Variants in AKAP8 observed in about 807,000 individuals in gnomAD.
The protein encoded by AKAP8 is A-kinase anchoring protein 8.
A neutral mutation model predicts 67.5 loss-of-function variants in AKAP8; 24 were observed. The ratio of observed to expected loss-of-function variants is 0.36; its 90% CI spans 0.26 to 0.50. The LOEUF (loss-of-function observed/expected upper bound fraction) is 0.50. AKAP8 is among the 20% of genes least tolerant of loss of function. The pLI is 0.97. For missense variants in AKAP8, 971 were observed against 955.9 expected (o/e 1.02, Z -0.21); for synonymous variants, 400 against 371.1 (o/e 1.08, Z -0.90).
chr19:15,363,360 G>GT (rs1037636624), intron 9 of AKAP8, among the ~76,000 whole-genome samples: 1 of 143,456 alleles, frequency 7.0e-6, no homozygotes, highest in Non-Finnish European at 1.5e-5. Flanking sequence ...AGGTGGGGGG[G>GT]GGTCAGCCCC....
At chr19:15,363,500 C>A (rs1187597189) in intron 9 of AKAP8, among the ~76,000 whole-genome samples, 2 of 142,378 alleles carry the variant, frequency 1.4e-5, no homozygotes, top group African/African-American at 5.4e-5. Context: ...GTCAGCCCCC[C>A]GCCCGGCCAG....
intron 9 of AKAP8, 21 bp downstream of exon 9, chr19:15,368,214 G>A: frequency 6.2e-7 from 1 of 1,609,284 alleles, no homozygotes; most frequent in Non-Finnish European, 8.5e-7. Context: ...CCTCCTGTGG[G>A]GTCGTGTGCC....
Position 15,354,222 on chromosome 19 carries a change from T to C in AKAP8, c.*693A>G, listed in dbSNP as rs542936169. 3.3e-5 allele frequency: 5 copies of C among 152,132 alleles called. No individual in the cohort carries two copies. Among genetic ancestry groups the C allele is most frequent in the African/African-American group, 1.2e-4 (5 of 41,508 alleles). The allele number at this position is 152,132 out of a possible 1,614,324, so 9.4% of individuals were successfully genotyped here. A position where few individuals can be genotyped will look rare whatever the true frequency, so the allele number is the denominator to read the frequency against. ...AAAAAAACCTGAAGTAATCTAGAGG[T>C]GGAACACAAATGAGGTAAAATATTA... On this transcript the variant is annotated 3_prime_UTR_variant, in exon 14 of 14. Coordinates refer to ENST00000269701, the MANE Select transcript of AKAP8 (RefSeq NM_005858.4).
At chr19:15,361,045 T>G (rs4809184) in intron 11 of AKAP8, 67 bp from the exon 12 acceptor site, 3 of 1,566,814 alleles carry the variant, frequency 1.9e-6, no homozygotes, top group Non-Finnish European at 2.6e-6. Flanking sequence ...ACTCCCCATC[T>G]GGGCCCACGT....
In AKAP8 at chr19:15,362,224, C is replaced by T. The variant is rs550314517; in HGVS notation, c.1188G>A (p.Lys396=). The T allele has an allele frequency of 8.1e-6, 13 of 1,614,098 alleles. No homozygotes were observed. The Middle Eastern group carries it at 5.0e-4, about 61-fold the overall frequency. The change falls in exon 10 of 14, where the codon AAG becomes AAA. Residue 396 remains lysine, a synonymous_variant. Coordinates refer to ENST00000269701, the MANE Select transcript of AKAP8 (RefSeq NM_005858.4). ...TCTCTTCGTCATCAAAGCTACGGAA[C>T]TTGCATACAGAACAGGCAAACTGAA... ...DRIQFACSVC[K]FRSFDDEEIQ...
chr19:15,361,621 G>A, intron 11 of AKAP8, 108 bp downstream of exon 11: 2 of 920,506 alleles, frequency 2.2e-6, no homozygotes, highest in Admixed American at 2.0e-5. Flanking sequence ...CAAAGTGCTG[G>A]GATTACAGGT....
chr19:15,377,998 A>G (rs1022497796), intron 1 of AKAP8, among the ~76,000 whole-genome samples: 1 of 152,084 alleles, frequency 6.6e-6, no homozygotes, highest in African/African-American at 2.4e-5. Context: ...CTGTTAAATG[A>G]CTTCACTTTG....
chr19:15,378,160 C>T (rs970589165), intron 1 of AKAP8, among the ~76,000 whole-genome samples: 2 of 152,312 alleles, frequency 1.3e-5, no homozygotes, highest in African/African-American at 4.8e-5. Flanking sequence ...TCATGGGTTA[C>T]GAGACTTGAC....
chr19:15,375,566 A>C (rs1444974028), intron 2 of AKAP8, among the ~76,000 whole-genome samples: 1 of 152,234 alleles, frequency 6.6e-6, no homozygotes, highest in African/African-American at 2.4e-5. Context: ...ACTATGAGCT[A>C]TAGTGAATAA....
At chr19:15,363,292 C>T (rs1301972775) in intron 9 of AKAP8, among the ~76,000 whole-genome samples, 5 of 149,060 alleles carry the variant, frequency 3.4e-5, no homozygotes, top group Non-Finnish European at 6.0e-5. Flanking sequence ...TCTGCCCAGC[C>T]GCCCCTACTG....
chr19:15,359,378 T>G (rs895648210), intron 12 of AKAP8, among the ~76,000 whole-genome samples: 1 of 152,214 alleles, frequency 6.6e-6, no homozygotes. Context: ...GGACAAGCTC[T>G]TTCTTTTCAG....
At chr19:15,379,377 G>T (rs952517623) in intron 1 of AKAP8, 2 of 327,076 alleles carry the variant, frequency 6.1e-6, no homozygotes, top group African/African-American at 4.3e-5. Context: ...CAAACCCCGG[G>T]GTCGCTGGGG....
chr19:15,373,046 C>T lies in AKAP8; in HGVS notation c.666G>A (p.Thr222=), dbSNP rs771085712. ...CCACGTAGTTCAGCTCGTTCCAGGG[C>T]GTGGACAGGGGCTCAGAGGACGCAG... ...PPAASSEPLS[T]PWNELNYVGG... Residue 222 remains threonine, a synonymous_variant, in exon 5 of 14, where the codon ACG becomes ACA. Transcript: ENST00000269701. 4.1e-5 allele frequency: 65 copies of T among 1,601,802 alleles called. No individual in the cohort carries two copies. In the Middle Eastern group the frequency reaches 1.3e-3, roughly 33 times the overall value.
rs920699912 is a variant in AKAP8 at position 15,364,584 on chromosome 19, C to T, written c.1161-2333G>A. On this transcript the variant is annotated intron_variant, in intron 9 of 13. Transcript: ENST00000269701. Reference sequence around the variant, plus strand: ...TAGGTTGGTCTCGAACTCCTGACCTCGTGATTGACCCACCTCAGCCTCCCA... The same window carrying T: ...TAGGTTGGTCTCGAACTCCTGACCTTGTGATTGACCCACCTCAGCCTCCCA... Among the ~76,000 whole-genome samples, 5 of 152,032 alleles carry T rather than the reference C, an allele frequency of 3.3e-5. 1 individual carries two copies. Among genetic ancestry groups the T allele is most frequent in the South Asian group, 4.1e-4 (2 of 4,838 alleles).
rs148578730 is a variant in AKAP8, at chr19:15,369,317, G to T, written c.1072+829C>A. The T allele has an allele frequency of 1.4e-4, 132 of 941,838 alleles. No individual in the cohort carries two copies. Among genetic ancestry groups the T allele is most frequent in the Admixed American group, 3.7e-4 (6 of 16,228 alleles). The allele number at this position is 941,838 out of a possible 1,614,324, so 58.3% of individuals were successfully genotyped here. ...TATGGACAGGACTGCTGCGGGTCGC[G>T]GGGGGGAGGACCGCAGAGGGCTGGC... On this transcript the variant is annotated intron_variant, in intron 8 of 13. Transcript: ENST00000269701. The surrounding 1 kb of genome is among the most constrained non-coding windows in gnomAD (Gnocchi z 4.6).
At chr19:15,376,614 G>A (rs914756226) in intron 2 of AKAP8, among the ~76,000 whole-genome samples, 3 of 152,204 alleles carry the variant, frequency 2.0e-5, no homozygotes, top group Admixed American at 6.5e-5. Context: ...GTACTAAAAA[G>A]TCTGGTAATT....
At chr19:15,367,650 G>C (rs1967091143) in intron 9 of AKAP8, among the ~76,000 whole-genome samples, 2 of 152,210 alleles carry the variant, frequency 1.3e-5, no homozygotes, top group South Asian at 4.1e-4. Flanking sequence ...CTCCTGGCAG[G>C]GAGAGGCAGG....
intron 7 of AKAP8, among the ~76,000 whole-genome samples, chr19:15,370,740 C>G (rs1427378425): frequency 7.1e-6 from 1 of 140,532 alleles, no homozygotes; most frequent in Non-Finnish European, 1.5e-5. Flanking sequence ...GAAGCAAATC[C>G]TCTGCCTCAG....
intron 4 of AKAP8, 152 bp from the exon 5 acceptor site, chr19:15,373,492 A>T: frequency 8.3e-7 from 1 of 1,200,012 alleles, no homozygotes. Flanking sequence ...ACTGACCAAC[A>T]CCCTCCCTGG....
Sources: gnomAD v4.1 joint callset for allele counts (sites outside exome capture counted in the v4.1 genomes callset) on GRCh38, gnomAD v4.1.1 for gene constraint, Gnocchi (gnomAD v3.1) non-coding constraint, MANE v1.5 for transcripts, NCBI Gene and HGNC (gene_info 2026-07-23, HGNC 2026-07-21) for gene names.